Variants in MAP7D2 observed in about 807,000 individuals in gnomAD.
MAP7D2 encodes the protein MAP7 domain-containing protein 2.
Under a neutral mutation model 63.5 loss-of-function variants are expected in MAP7D2, and 33 were observed. The observed-to-expected ratio is 0.52, with a 90% CI of 0.39 to 0.70. MAP7D2 has a LOEUF of 0.70. Ranked by LOEUF, MAP7D2 falls within the 30% of genes least tolerant of loss-of-function variation. The probability of loss-of-function intolerance (pLI) is 0.00; values close to 1 mark genes in which losing one functional copy is unlikely to be tolerated. For missense variants in MAP7D2, 626 were observed against 604.0 expected, an observed-to-expected ratio of 1.04 and a Z score of -0.38; for synonymous variants, 224 against 223.7, an observed-to-expected ratio of 1.00 and a Z score of -0.01.
chrX:20,069,569 T>C (rs962611806), intron 1 of MAP7D2, among the ~76,000 whole-genome samples: 4 of 108,645 alleles, frequency 3.7e-5, no homozygotes, highest in South Asian at 4.1e-4. Context: ...TAAGAACTTA[T>C]GGAGAACAGA....
Position 20,027,171 on chromosome X carries a change from A to G in MAP7D2, c.1008-1219T>C, listed in dbSNP as rs746077355. Among the ~76,000 whole-genome samples, 8 of 111,872 alleles carry G rather than the reference A, an allele frequency of 7.2e-5. No homozygotes were observed. In the East Asian group the frequency reaches 2.0e-3, roughly 28 times the overall value. On this transcript the variant is annotated intron_variant, in intron 8 of 16. Coordinates refer to ENST00000379643, the MANE Select transcript of MAP7D2 (RefSeq NM_001168465.2). ...AGTGGCTTCCCTGTGTCCTCATGCC[A>G]TTAGGCCTGGAGCAACTCAGAACTC...
At chrX:20,019,968 T>C (rs2065995089) in intron 10 of MAP7D2, among the ~76,000 whole-genome samples, 1 of 111,983 alleles carries the variant, frequency 8.9e-6, no homozygotes, top group Non-Finnish European at 1.9e-5. Flanking sequence ...CTGCTGGCAA[T>C]TGCATTCCGG....
chrX:20,040,303 T>G (rs1194592534), intron 8 of MAP7D2, among the ~76,000 whole-genome samples: 1 of 112,221 alleles, frequency 8.9e-6, no homozygotes, highest in African/African-American at 3.2e-5. Flanking sequence ...CCCCTTTATA[T>G]ATACATCTAT....
At chrX:20,022,927 C>T (rs1186996377) in intron 10 of MAP7D2, among the ~76,000 whole-genome samples, 1 of 112,133 alleles carries the variant, frequency 8.9e-6, no homozygotes, top group Non-Finnish European at 1.9e-5. Context: ...TACTCAGATG[C>T]AGCTCTTGAG....
chrX:20,011,640 G>T (rs1473014880), intron 15 of MAP7D2, among the ~76,000 whole-genome samples: 1 of 112,263 alleles, frequency 8.9e-6, no homozygotes, highest in Non-Finnish European at 1.9e-5. Context: ...GCTCAGTTAA[G>T]GTTGGGGGGC....
chrX:20,106,093 T>C (rs1436299645), intron 1 of MAP7D2, among the ~76,000 whole-genome samples: 3 of 112,266 alleles, frequency 2.7e-5, no homozygotes, highest in Non-Finnish European at 5.6e-5. Flanking sequence ...CAGAGCCCCA[T>C]GGCCTACTCA....
At chrX:20,031,968 A>G (rs1171593212) in intron 8 of MAP7D2, among the ~76,000 whole-genome samples, 1 of 111,730 alleles carries the variant, frequency 9.0e-6, no homozygotes, top group African/African-American at 3.3e-5. Context: ...CTGTGTGTGC[A>G]TCTATGGAGG....
chrX:20,110,031 A>G (rs1268633581), intron 1 of MAP7D2, among the ~76,000 whole-genome samples: 1 of 109,347 alleles, frequency 9.1e-6, no homozygotes, highest in Non-Finnish European at 1.9e-5. Context: ...GTGAGACTCC[A>G]TCTTAAAAAA....
chrX:20,027,742 AGAGAGAAGGCGGGGG>A (rs1319628583), intron 8 of MAP7D2, among the ~76,000 whole-genome samples: 1 of 97,538 alleles, frequency 1.0e-5, no homozygotes, highest in Non-Finnish European at 2.0e-5. Context: ...GGAGAGAGGG[AGAGAGAAGGCGGGGG>A]GAGAGAGAGA....
At chrX:20,055,301 A>C (rs951135874) in intron 4 of MAP7D2, among the ~76,000 whole-genome samples, 1 of 111,566 alleles carries the variant, frequency 9.0e-6, no homozygotes, top group Non-Finnish European at 1.9e-5. Context: ...ACTCCCTCTC[A>C]AACACCTCTC....
At chrX:20,095,341 C>T (rs1357079403) in intron 1 of MAP7D2, among the ~76,000 whole-genome samples, 1 of 111,281 alleles carries the variant, frequency 9.0e-6, no homozygotes, top group African/African-American at 3.3e-5. Context: ...GAATTCGAGA[C>T]CAACCTTGGC....
At chrX:20,019,659 A>G (rs1268976387) in intron 10 of MAP7D2, among the ~76,000 whole-genome samples, 2 of 112,071 alleles carry the variant, frequency 1.8e-5, no homozygotes, top group African/African-American at 6.5e-5. Flanking sequence ...TACGTGCTTA[A>G]AAGTTTTCAT....
intron 10 of MAP7D2, among the ~76,000 whole-genome samples, chrX:20,023,567 T>C (rs2073731872): frequency 1.8e-5 from 2 of 112,135 alleles, no homozygotes; most frequent in Admixed American, 1.9e-4. Flanking sequence ...GTTGAGAAAA[T>C]AAAGACAGAA....
chrX:20,099,159 A>T (rs746288044), intron 1 of MAP7D2, among the ~76,000 whole-genome samples: 1 of 111,737 alleles, frequency 8.9e-6, no homozygotes, highest in Non-Finnish European at 1.9e-5. Context: ...CTCCCTTTTG[A>T]TCCAAATACC....
At chrX:20,095,579 A>G (rs918317681) in intron 1 of MAP7D2, among the ~76,000 whole-genome samples, 1 of 110,744 alleles carries the variant, frequency 9.0e-6, no homozygotes, top group Non-Finnish European at 1.9e-5. Flanking sequence ...GGTCAAACAT[A>G]GCATTTCTAT....
intron 16 of MAP7D2, among the ~76,000 whole-genome samples, chrX:20,010,526 T>C (rs930762833): frequency 6.2e-5 from 7 of 112,141 alleles, no homozygotes; most frequent in Non-Finnish European, 1.3e-4. Context: ...CTTTAGCCAG[T>C]GTTCTCAACT....
chrX:20,089,171 G>A (rs773196030), intron 1 of MAP7D2, among the ~76,000 whole-genome samples: 9 of 111,628 alleles, frequency 8.1e-5, no homozygotes, highest in African/African-American at 2.6e-4. Context: ...TATCAATCAC[G>A]GGTCATTTTT....
intron 5 of MAP7D2, chrX:20,052,502 C>A: frequency 4.3e-6 from 1 of 230,455 alleles, no homozygotes; most frequent in South Asian, 5.9e-5. Context: ...CTTATCAATT[C>A]TGCTCTTTCT....
chrX:20,070,792 T>C (rs1289186986), intron 1 of MAP7D2, among the ~76,000 whole-genome samples: 1 of 112,185 alleles, frequency 8.9e-6, no homozygotes, highest in Non-Finnish European at 1.9e-5. Context: ...ACTGAGATCC[T>C]ACTATCCCTG....
Sources: allele counts gnomAD v4.1 joint callset (sites outside exome capture counted in the v4.1 genomes callset), GRCh38; gene constraint gnomAD v4.1.1; transcripts MANE v1.5; gene names NCBI Gene and HGNC (gene_info 2026-07-23, HGNC 2026-07-21).